Variants in NLGN1 observed in about 807,000 individuals in gnomAD.
NLGN1 encodes the protein neuroligin-1.
In NLGN1, 12 loss-of-function variants were observed where a neutral mutation model predicts 65.5. The observed-to-expected ratio is 0.18, with a 90% CI of 0.12 to 0.30. The LOEUF (loss-of-function observed/expected upper bound fraction) is 0.30, where lower values mean the gene tolerates loss of function less well. NLGN1 is among the 10% of genes least tolerant of loss of function. The pLI is 1.00. For missense variants in NLGN1, 750 were observed against 1,007.1 expected (o/e 0.74, Z 3.46); for synonymous variants, 350 against 359.5 (o/e 0.97, Z 0.30).
chr3:173,906,884 A>C (rs148441384), intron 4 of NLGN1, among the ~76,000 whole-genome samples: 2,509 of 149,978 alleles, frequency 0.017, 73 homozygotes, highest in African/African-American at 0.052. Context: ...AAAACAAAAA[A>C]AAAAAAAAAA....
intron 4 of NLGN1, among the ~76,000 whole-genome samples, chr3:174,208,839 A>C (rs922601588): frequency 6.6e-6 from 1 of 152,198 alleles, no homozygotes; most frequent in Non-Finnish European, 1.5e-5. Context: ...TTAGTATTAT[A>C]TGATGCAGGG....
At chr3:173,721,520 A>G (rs1292807758) in intron 3 of NLGN1, among the ~76,000 whole-genome samples, 1 of 152,222 alleles carries the variant, frequency 6.6e-6, no homozygotes, top group Non-Finnish European at 1.5e-5. Flanking sequence ...ACATACGATC[A>G]TTTATAATAA....
At chr3:174,017,611 A>G (rs1726852853) in intron 4 of NLGN1, among the ~76,000 whole-genome samples, 2 of 152,134 alleles carry the variant, frequency 1.3e-5, no homozygotes. Context: ...GGGAAAGACT[A>G]CAAAAGAGAG....
chr3:173,715,516 A>G (rs1413344560), intron 3 of NLGN1, among the ~76,000 whole-genome samples: 2 of 152,186 alleles, frequency 1.3e-5, no homozygotes, highest in African/African-American at 2.4e-5. Flanking sequence ...ACTATTACAG[A>G]ATCAAGGTAG....
intron 4 of NLGN1, among the ~76,000 whole-genome samples, chr3:173,844,696 G>A (rs578100741): frequency 1.3e-5 from 2 of 152,260 alleles, no homozygotes; most frequent in Admixed American, 6.5e-5. Flanking sequence ...AATGAATAAT[G>A]TTTGTGATTG....
chr3:173,829,568 G>T (rs1722073857), intron 4 of NLGN1, among the ~76,000 whole-genome samples: 1 of 104,278 alleles, frequency 9.6e-6, no homozygotes, highest in Admixed American at 7.9e-5. Flanking sequence ...GTGTGTGTGT[G>T]TGTTTGTGTG....
intron 1 of NLGN1, among the ~76,000 whole-genome samples, chr3:173,415,932 G>A (rs1713667836): frequency 6.8e-6 from 1 of 147,646 alleles, no homozygotes; most frequent in Non-Finnish European, 1.5e-5. Context: ...GAGAGAGAGA[G>A]AGAGAGAGAG....
chr3:173,585,263 T>C (rs1287466078), intron 2 of NLGN1, among the ~76,000 whole-genome samples: 1 of 152,094 alleles, frequency 6.6e-6, no homozygotes, highest in Admixed American at 6.5e-5. Flanking sequence ...CAACTTTGCA[T>C]TGAAAATCTC....
intron 4 of NLGN1, among the ~76,000 whole-genome samples, chr3:174,269,345 C>T (rs1748900245): frequency 6.6e-6 from 1 of 151,916 alleles, no homozygotes; most frequent in Non-Finnish European, 1.5e-5. Context: ...CTTCCCCTTT[C>T]TCCACAGCTC....
intron 2 of NLGN1, among the ~76,000 whole-genome samples, chr3:173,544,992 CTATTA>C (rs1244274695): frequency 2.0e-5 from 3 of 151,956 alleles, no homozygotes; most frequent in East Asian, 3.9e-4. Context: ...TAAAAGTTGT[CTATTA>C]TATTTAACTA....
chr3:173,851,128 A>AC lies in NLGN1; in HGVS notation c.646+43298dup, dbSNP rs1257401038. The stretch of plus-strand genomic sequence containing the variant: ...ATGGTTTTATATCCGATTGATCAAG[A>AC]CCACTGTCCACATGCCCATTACTTT... On this transcript the variant is annotated intron_variant, in intron 4 of 6. Coordinates refer to ENST00000457714, the Ensembl canonical transcript of NLGN1. 4.6e-5 allele frequency among the ~76,000 whole-genome samples: 7 copies of AC among 152,276 alleles called. No individual in the cohort carries two copies. The East Asian group carries it at 1.3e-3, about 29-fold the overall frequency.
chr3:173,435,499 T>C (rs1018000349), intron 2 of NLGN1, among the ~76,000 whole-genome samples: 1 of 152,184 alleles, frequency 6.6e-6, no homozygotes, highest in Non-Finnish European at 1.5e-5. Flanking sequence ...GGAAGCGTTA[T>C]GTTGTGATAT....
At chr3:174,010,311 A>G (rs1725279492) in intron 4 of NLGN1, among the ~76,000 whole-genome samples, 1 of 152,150 alleles carries the variant, frequency 6.6e-6, no homozygotes, top group Non-Finnish European at 1.5e-5. Flanking sequence ...TAATTTGCCA[A>G]TTGCATGTAA....
chr3:173,749,244 A>T (rs1035484908), intron 3 of NLGN1, among the ~76,000 whole-genome samples: 57 of 152,078 alleles, frequency 3.7e-4, no homozygotes, highest in Non-Finnish European at 2.6e-4. Context: ...AGTTTAAAAT[A>T]ACAAGATGAT....
At chr3:173,934,563 T>C (rs1744711706) in intron 4 of NLGN1, among the ~76,000 whole-genome samples, 1 of 151,980 alleles carries the variant, frequency 6.6e-6, no homozygotes, top group South Asian at 2.1e-4. Context: ...ACACTTATCA[T>C]TGGGCTTCTT....
chr3:173,890,633 A>T (rs1735158014), intron 4 of NLGN1, among the ~76,000 whole-genome samples: 1 of 152,148 alleles, frequency 6.6e-6, no homozygotes, highest in South Asian at 2.1e-4. Context: ...TCTTGCAGGA[A>T]AATTGATTTA....
intron 4 of NLGN1, among the ~76,000 whole-genome samples, chr3:174,236,059 T>C (rs1741643527): frequency 6.6e-6 from 1 of 152,190 alleles, no homozygotes; most frequent in Non-Finnish European, 1.5e-5. Context: ...TAGATTGTGC[T>C]GGCACAGAGT....
At chr3:173,650,918 C>T (rs1759061242) in intron 3 of NLGN1, among the ~76,000 whole-genome samples, 1 of 150,250 alleles carries the variant, frequency 6.7e-6, no homozygotes, top group African/African-American at 2.5e-5. Flanking sequence ...AACTCCTTGC[C>T]TGTTTATTTT....
chr3:173,940,661 G>T (rs1745928282), intron 4 of NLGN1, among the ~76,000 whole-genome samples: 1 of 152,130 alleles, frequency 6.6e-6, no homozygotes. Context: ...CACATAGGGG[G>T]ACAGAATATC....
Sources: allele counts gnomAD v4.1 joint callset (sites outside exome capture counted in the v4.1 genomes callset), GRCh38; gene constraint gnomAD v4.1.1; transcripts MANE v1.5; gene names NCBI Gene and HGNC (gene_info 2026-07-23, HGNC 2026-07-21).